Variants in DSCAM observed in about 807,000 individuals in gnomAD.
DSCAM encodes DS cell adhesion molecule.
A neutral mutation model predicts 217.7 loss-of-function variants in DSCAM; 47 were observed. The observed-to-expected ratio is 0.22, with a 90% confidence interval of 0.17 to 0.28. The LOEUF (loss-of-function observed/expected upper bound fraction) is 0.28, where lower values mean the gene tolerates loss of function less well. Ranked by LOEUF, DSCAM falls within the 10% of genes least tolerant of loss-of-function variation. The pLI is 1.00. For synonymous variants in DSCAM, 1,056 were observed against 1,015.3 expected (o/e 1.04, Z -0.76); for missense variants, 2,080 against 2,618.3 (o/e 0.79, Z 4.49).
chr21:40,364,299 C>T (rs1425337341), intron 4 of DSCAM, among the ~76,000 whole-genome samples: 2 of 152,024 alleles, frequency 1.3e-5, no homozygotes, highest in Admixed American at 1.3e-4. Flanking sequence ...CAATGATAGA[C>T]TGGATTAAGA....
At chr21:40,621,631 G>A (rs1302235502) in intron 3 of DSCAM, among the ~76,000 whole-genome samples, 1 of 151,818 alleles carries the variant, frequency 6.6e-6, no homozygotes, top group Non-Finnish European at 1.5e-5. Flanking sequence ...GTCATATAGT[G>A]CTTTCAGGAC....
chr21:40,178,952 C>T lies in DSCAM; in HGVS notation c.2922G>A (p.Glu974=), dbSNP rs757488562. 2.5e-6 allele frequency: 4 copies of T among 1,613,954 alleles called. No homozygotes were observed. Among genetic ancestry groups the T allele is most frequent in the Non-Finnish European group, 3.4e-6 (4 of 1,180,004 alleles). Residue 974 remains glutamate (E), a synonymous_variant, in exon 15 of 33, where the codon GAG becomes GAA. Coordinates refer to ENST00000400454, the MANE Select transcript of DSCAM (RefSeq NM_001389.5). ...NRIGKSEPSN[E]LTITADEAAP... ...CTGCCTCGTCCGCCGTGATGGTGAG[C>T]TCGTTGCTGGGCTCGCTCTTGCCAA... is the stretch of plus-strand genomic sequence containing the variant.
chr21:40,097,797 C>T lies in DSCAM; in HGVS notation c.3697-3923G>A, dbSNP rs112212222. 4.1e-3 allele frequency among the ~76,000 whole-genome samples: 618 copies of T among 151,478 alleles called. 3 individuals carry two copies. The highest frequency in any genetic ancestry group is 0.013 in the African/African-American group (520 of 41,318). On this transcript the variant is annotated intron_variant, in intron 20 of 32. Coordinates refer to ENST00000400454, the MANE Select transcript of DSCAM (RefSeq NM_001389.5). Reference sequence around the variant, plus strand: ...TCTACTAAAAACACAAAAAATTAGCCGGGCGTAGTGGTGGGTCCCTGTAGT... The same window carrying T: ...TCTACTAAAAACACAAAAAATTAGCTGGGCGTAGTGGTGGGTCCCTGTAGT...
At chr21:40,122,234 C>A (rs2090043148) in intron 20 of DSCAM, among the ~76,000 whole-genome samples, 1 of 152,128 alleles carries the variant, frequency 6.6e-6, no homozygotes, top group African/African-American at 2.4e-5. Context: ...TAGGGGCTTT[C>A]TCAGTAAGCA....
chr21:40,286,715 TGCAGTGTGATCC>T (rs1447785306), intron 10 of DSCAM, among the ~76,000 whole-genome samples: 1 of 149,920 alleles, frequency 6.7e-6, no homozygotes, highest in Admixed American at 6.7e-5. Context: ...CAGTGTCATC[TGCAGTGTGATCC>T]ACAGTGTGAT....
intron 11 of DSCAM, among the ~76,000 whole-genome samples, chr21:40,238,938 C>T (rs980767635): frequency 5.1e-4 from 78 of 152,078 alleles, no homozygotes; most frequent in African/African-American, 1.5e-3. Flanking sequence ...TGAGAGGCAG[C>T]GTCAATGCCA....
At chr21:40,420,062 A>T (rs78962786) in intron 3 of DSCAM, among the ~76,000 whole-genome samples, 1 of 152,188 alleles carries the variant, frequency 6.6e-6, no homozygotes, top group Non-Finnish European at 1.5e-5. Context: ...AAACAAAAAA[A>T]TTAGGCACAA....
At chr21:40,046,187 G>C (rs1433966200) in intron 30 of DSCAM, among the ~76,000 whole-genome samples, 1 of 152,178 alleles carries the variant, frequency 6.6e-6, no homozygotes, top group East Asian at 1.9e-4. Context: ...AAGGTGCAAT[G>C]ACTTTGTTTT....
At position 40,178,126 on chromosome 21, in the gene DSCAM, C is replaced by T. The variant is rs569715455; in HGVS notation, c.2947+801G>A. ...GGCTTCCTCTCCTCCTGCCAGGAGG[C>T]GGGCTGACAATCAGCATTCATGGAC... On this transcript the variant is annotated intron_variant, in intron 15 of 32. Coordinates refer to ENST00000400454, the MANE Select transcript of DSCAM (RefSeq NM_001389.5). Among the ~76,000 whole-genome samples the T allele has an allele frequency of 4.5e-3, 680 of 152,288 alleles. 2 individuals are homozygous for T. Among genetic ancestry groups the T allele is most frequent in the Non-Finnish European group, 7.9e-3 (537 of 68,016 alleles).
At chr21:40,747,339 C>G in intron 1 of DSCAM, among the ~76,000 whole-genome samples, 1 of 147,844 alleles carries the variant, frequency 6.8e-6, no homozygotes, top group East Asian at 2.0e-4. Flanking sequence ...AGAGAAAGGA[C>G]TCAAATAAAT....
At chr21:40,408,523 T>C (rs748699503) in intron 3 of DSCAM, among the ~76,000 whole-genome samples, 9 of 152,124 alleles carry the variant, frequency 5.9e-5, no homozygotes, top group African/African-American at 1.4e-4. Flanking sequence ...GTGAGGAGCA[T>C]TGACAACCTG....
At chr21:40,290,688 A>AT (rs1380116027) in intron 10 of DSCAM, among the ~76,000 whole-genome samples, 8 of 152,232 alleles carry the variant, frequency 5.3e-5, no homozygotes, top group African/African-American at 1.9e-4. Flanking sequence ...AACCAAAAAG[A>AT]TTAAGTTCCT....
chr21:40,768,327 C>T (rs1416246866), intron 1 of DSCAM, among the ~76,000 whole-genome samples: 1 of 139,588 alleles, frequency 7.2e-6, no homozygotes, highest in African/African-American at 2.6e-5. Context: ...CCCCTCCCCC[C>T]ACCCCCACCC....
At chr21:40,314,803 C>T (rs1468826008) in intron 8 of DSCAM, among the ~76,000 whole-genome samples, 1 of 152,118 alleles carries the variant, frequency 6.6e-6, no homozygotes, top group African/African-American at 2.4e-5. Context: ...TTCAGCTATG[C>T]TACTTACTAC....
chr21:40,834,923 T>C (rs781625887), intron 1 of DSCAM, among the ~76,000 whole-genome samples: 1 of 152,204 alleles, frequency 6.6e-6, no homozygotes, highest in Non-Finnish European at 1.5e-5. Context: ...TGCTCCTCCA[T>C]TTCTTGCAAA....
rs71186933 is a variant in DSCAM at position 40,402,049 on chromosome 21, C to CTTTT, written c.509-32808_509-32805dup. ...AAATTTATTCTTATTATTCTTATTC[C>CTTTT]TTTTTTTTTTTTTTTTTTTTTTTTT... On this transcript the variant is annotated intron_variant, in intron 3 of 32. Transcript: ENST00000400454. 5.9e-3 allele frequency among the ~76,000 whole-genome samples: 345 copies of CTTTT among 58,264 alleles called. 72 individuals carry two copies. Among genetic ancestry groups the CTTTT allele is most frequent in the South Asian group, 7.2e-3 (7 of 970 alleles). 38.2% of individuals were successfully genotyped at this position (58,264 alleles called of 152,430 possible). A position where few individuals can be genotyped will look rare whatever the true frequency, so the allele number is the denominator to read the frequency against.
Position 40,024,373 on chromosome 21 carries a change from G to A in DSCAM, c.5687-10987C>T, listed in dbSNP as rs529481940. 2.6e-5 allele frequency among the ~76,000 whole-genome samples: 2 copies of A among 76,800 alleles called. 1 individual carries two copies. Among genetic ancestry groups the A allele is most frequent in the African/African-American group, 9.5e-5 (2 of 21,068 alleles). 50.4% of individuals were successfully genotyped at this position (76,800 alleles called of 152,430 possible). A position where few individuals can be genotyped will look rare whatever the true frequency, so the allele number is the denominator to read the frequency against. On this transcript the variant is annotated intron_variant, in intron 32 of 32. Transcript: ENST00000400454. The stretch of plus-strand genomic sequence containing the variant: ...TGCGGGCTCTTTTTTGGTTCCATAT[G>A]AACTTTAAAGTAGTTTCTTCCAATT...
At chr21:40,359,993 T>G (rs1310280408) in intron 4 of DSCAM, among the ~76,000 whole-genome samples, 2 of 152,180 alleles carry the variant, frequency 1.3e-5, no homozygotes, top group Non-Finnish European at 2.9e-5. Flanking sequence ...ATTTATTTTT[T>G]TATTTCAACT....
chr21:40,118,644 T>A (rs1481687334), intron 20 of DSCAM, among the ~76,000 whole-genome samples: 1 of 152,224 alleles, frequency 6.6e-6, no homozygotes, highest in Non-Finnish European at 1.5e-5. Context: ...GATGTCACTT[T>A]GCTCATTTAT....
Sources: gnomAD v4.1 joint callset for allele counts (sites outside exome capture counted in the v4.1 genomes callset) on GRCh38, gnomAD v4.1.1 for gene constraint, MANE v1.5 for transcripts, NCBI Gene and HGNC (gene_info 2026-07-23, HGNC 2026-07-21) for gene names.